The following EXOC4 variants were observed in gnomAD, a reference collection of about 807,000 sequenced individuals.
EXOC4 encodes the protein exocyst complex component 4.
In EXOC4, 71 loss-of-function variants were observed where a neutral mutation model predicts 107.2. The ratio of observed to expected loss-of-function variants is 0.66; its 90% CI spans 0.55 to 0.81. The LOEUF is 0.81. EXOC4 is among the 30% of genes least tolerant of loss of function. The pLI is 0.00. For synonymous variants in EXOC4, 456 were observed against 441.2 expected, an observed-to-expected ratio of 1.03 and a Z score of -0.42; for missense variants, 1,108 against 1,189.6, an observed-to-expected ratio of 0.93 and a Z score of 1.01.
chr7:133,677,380 CT>C (rs1049494172), intron 10 of EXOC4, among the ~76,000 whole-genome samples: 1 of 152,036 alleles, frequency 6.6e-6, no homozygotes, highest in Admixed American at 6.5e-5. Flanking sequence ...ACACTTCCAT[CT>C]TTGTCAAGGC....
At chr7:133,956,357 C>T (rs1275800652) in intron 14 of EXOC4, among the ~76,000 whole-genome samples, 1 of 152,210 alleles carries the variant, frequency 6.6e-6, no homozygotes, top group African/African-American at 2.4e-5. Flanking sequence ...AGACTAACAA[C>T]AGTTCTTCCT....
chr7:133,375,011 C>T lies in EXOC4; in HGVS notation c.1182+9C>T. On this transcript the variant is annotated intron_variant, in intron 7 of 17. Transcript: ENST00000253861. ...TCCAAGATGTTCTACAGGTAAGAGC[C>T]TTTTACAAAGGGTGTCATCTTGATT... 1 of 1,608,364 alleles carries T rather than the reference C, an allele frequency of 6.2e-7. No homozygotes were observed. The highest frequency in any genetic ancestry group is 8.5e-7 in the Non-Finnish European group (1 of 1,177,200).
At chr7:134,016,339 G>A (rs1468187048) in intron 17 of EXOC4, among the ~76,000 whole-genome samples, 1 of 152,062 alleles carries the variant, frequency 6.6e-6, no homozygotes, top group African/African-American at 2.4e-5. Context: ...TAATCCCCTG[G>A]GGAAGACCCA....
intron 3 of EXOC4, among the ~76,000 whole-genome samples, chr7:133,296,186 A>T (rs1794515670): frequency 6.6e-6 from 1 of 152,180 alleles, no homozygotes; most frequent in African/African-American, 2.4e-5. Context: ...TGATAATGCC[A>T]TTGTTGATAA....
rs547443353 is a variant in EXOC4, at chr7:133,371,975, T to C, written c.1008-2853T>C. On this transcript the variant is annotated intron_variant, in intron 6 of 17. Coordinates refer to ENST00000253861, the MANE Select transcript of EXOC4 (RefSeq NM_021807.4). ...ATTGTGATTTTGATTTGCATATCTC[T>C]GATGGCTAAAGATGTTAAGCATCTT... Among the ~76,000 whole-genome samples the C allele has an allele frequency of 4.6e-5, 7 of 152,324 alleles. No individual in the cohort carries two copies. In the South Asian group the frequency reaches 1.4e-3, roughly 32 times the overall value.
In EXOC4 at chr7:133,461,053, G is replaced by A. The variant is rs367790202; in HGVS notation, c.1183-14275G>A. 7.9e-5 allele frequency among the ~76,000 whole-genome samples: 12 copies of A among 152,156 alleles called. 1 individual carries two copies. The East Asian group carries it at 1.5e-3, about 19-fold the overall frequency. ...ATAGATTGGTCAGAGAAGGTTTTGC[G>A]CATGGGTTAGAGGCTGAACTGGTCC... On this transcript the variant is annotated intron_variant, in intron 7 of 17. Transcript: ENST00000253861.
chr7:133,305,351 A>T (rs1049894960), intron 3 of EXOC4, among the ~76,000 whole-genome samples: 4 of 152,220 alleles, frequency 2.6e-5, no homozygotes, highest in Non-Finnish European at 5.9e-5. Context: ...TGTAGCATTC[A>T]TGTAAAAAAA....
intron 7 of EXOC4, among the ~76,000 whole-genome samples, chr7:133,422,828 TTTATC>T (rs1466535141): frequency 6.6e-6 from 1 of 152,230 alleles, no homozygotes; most frequent in Non-Finnish European, 1.5e-5. Flanking sequence ...ATGTGAAAGT[TTTATC>T]TTACTACAGA....
At chr7:133,722,783 T>C (rs1468044991) in intron 10 of EXOC4, among the ~76,000 whole-genome samples, 1 of 152,192 alleles carries the variant, frequency 6.6e-6, no homozygotes, top group Middle Eastern at 3.2e-3. Context: ...CTGCCCTAAA[T>C]TGTTGCATTT....
chr7:133,953,760 AG>A, intron 14 of EXOC4, among the ~76,000 whole-genome samples: 1 of 152,362 alleles, frequency 6.6e-6, no homozygotes, highest in Non-Finnish European at 1.5e-5. Context: ...CTTGTTCTCT[AG>A]ATCAGCTGTT....
intron 9 of EXOC4, among the ~76,000 whole-genome samples, chr7:133,540,757 G>A (rs1186816154): frequency 6.6e-6 from 1 of 152,120 alleles, no homozygotes; most frequent in East Asian, 1.9e-4. Context: ...GACTTTGCCA[G>A]TTTTACTTGC....
the EXOC4 span, among the ~76,000 whole-genome samples, chr7:134,095,090 A>G: frequency 1.3e-5 from 2 of 152,156 alleles, no homozygotes; most frequent in Admixed American, 6.6e-5. Context: ...GAACTAATAC[A>G]TGACTTCAGC....
intron 7 of EXOC4, among the ~76,000 whole-genome samples, chr7:133,383,710 A>G (rs1442365447): frequency 6.6e-6 from 1 of 152,144 alleles, no homozygotes; most frequent in Non-Finnish European, 1.5e-5. Context: ...TATTTTGGTT[A>G]CCTGAGGATT....
chr7:133,511,983 C>T (rs1021415810), intron 9 of EXOC4, among the ~76,000 whole-genome samples: 1 of 152,210 alleles, frequency 6.6e-6, no homozygotes, highest in Non-Finnish European at 1.5e-5. Flanking sequence ...TACTTTTCTC[C>T]TCCTGCTCAG....
In EXOC4 at chr7:134,051,403, T is replaced by C. The variant is rs149339883; in HGVS notation, c.2688-12888T>C. Among the ~76,000 whole-genome samples, 1,392 of 152,286 alleles carry C rather than the reference T, an allele frequency of 9.1e-3. 25 individuals are homozygous for C. Among genetic ancestry groups the C allele is most frequent in the African/African-American group, 0.032 (1,342 of 41,552 alleles). On this transcript the variant is annotated intron_variant, in intron 17 of 17. Coordinates refer to ENST00000253861, the MANE Select transcript of EXOC4 (RefSeq NM_021807.4). ...TGTGGCTTCATGGGGCCAGGCACTG[T>C]GGCTCATGCCTGTAATCCTAGCACT... is the stretch of plus-strand genomic sequence containing the variant.
At chr7:133,940,843 T>C (rs2116741056) in intron 14 of EXOC4, among the ~76,000 whole-genome samples, 1 of 151,920 alleles carries the variant, frequency 6.6e-6, no homozygotes, top group South Asian at 2.1e-4. Context: ...GTCTGGAGAC[T>C]AGAGAACATG....
chr7:133,571,074 G>C (rs1801013317), intron 9 of EXOC4, among the ~76,000 whole-genome samples: 1 of 152,108 alleles, frequency 6.6e-6, no homozygotes, highest in East Asian at 1.9e-4. Flanking sequence ...AAGTAACTTA[G>C]AATCTTCTAG....
At chr7:133,256,424 C>T (rs977704059) in intron 1 of EXOC4, among the ~76,000 whole-genome samples, 19 of 152,194 alleles carry the variant, frequency 1.2e-4, no homozygotes, top group African/African-American at 4.6e-4. Flanking sequence ...CCATGTTAGG[C>T]TCGTGTTTAT....
At chr7:133,606,449 G>A (rs539814892) in intron 9 of EXOC4, among the ~76,000 whole-genome samples, 4 of 151,702 alleles carry the variant, frequency 2.6e-5, no homozygotes, top group Non-Finnish European at 5.9e-5. Context: ...AGAGCAGTTA[G>A]AATTAAACAC....
Sources: gnomAD v4.1 joint callset for allele counts (sites outside exome capture counted in the v4.1 genomes callset) on GRCh38, gnomAD v4.1.1 for gene constraint, MANE v1.5 for transcripts, NCBI Gene and HGNC (gene_info 2026-07-23, HGNC 2026-07-21) for gene names.